The following PARN variants were observed in gnomAD, a reference collection of about 807,000 sequenced individuals.
The protein encoded by PARN is poly(A)-specific ribonuclease, also known as poly(A)-specific ribonuclease PARN.
Under a neutral mutation model 102.8 loss-of-function variants are expected in PARN, and 71 were observed. The ratio of observed to expected loss-of-function variants is 0.69; its 90% CI spans 0.57 to 0.84. The LOEUF (loss-of-function observed/expected upper bound fraction) is 0.84. Among genes scored for constraint, PARN ranks in the 40% least tolerant of loss-of-function variants. The pLI is 0.00. For missense variants in PARN, 782 were observed against 760.9 expected, an observed-to-expected ratio of 1.03 and a Z score of -0.33; for synonymous variants, 261 against 252.9, an observed-to-expected ratio of 1.03 and a Z score of -0.30.
intron 6 of PARN, among the ~76,000 whole-genome samples, chr16:14,616,299 G>C (rs1971901077): frequency 6.6e-6 from 1 of 152,176 alleles, no homozygotes; most frequent in Non-Finnish European, 1.5e-5. Context: ...GAGAAATCAT[G>C]CTATGCAAGG....
At chr16:14,538,484 G>C (rs1177859257) in intron 21 of PARN, among the ~76,000 whole-genome samples, 1 of 152,038 alleles carries the variant, frequency 6.6e-6, no homozygotes, top group Non-Finnish European at 1.5e-5. Context: ...GCCTCCCAAA[G>C]TGCTGGGATT....
intron 21 of PARN, among the ~76,000 whole-genome samples, chr16:14,507,835 T>C (rs1964974978): frequency 6.6e-6 from 1 of 152,158 alleles, no homozygotes; most frequent in African/African-American, 2.4e-5. Flanking sequence ...AGAATACTAT[T>C]GAGTAAATAA....
intron 18 of PARN, among the ~76,000 whole-genome samples, chr16:14,577,988 G>C (rs1969252860): frequency 1.3e-5 from 2 of 151,884 alleles, no homozygotes; most frequent in South Asian, 4.1e-4. Context: ...CTTTCTAAGG[G>C]GGTTAAGAAT....
chr16:14,461,429 T>A, intron 22 of PARN, among the ~76,000 whole-genome samples: 1 of 152,236 alleles, frequency 6.6e-6, no homozygotes, highest in Non-Finnish European at 1.5e-5. Flanking sequence ...CTTCTATGCC[T>A]GGGTGAACTG....
intron 20 of PARN, among the ~76,000 whole-genome samples, 186 bp downstream of exon 20, chr16:14,553,877 TAA>T (rs1224260141): frequency 1.3e-5 from 2 of 152,232 alleles, no homozygotes; most frequent in East Asian, 3.8e-4. Context: ...GAGGTGCTAT[TAA>T]AAGTTTCTCA....
intron 11 of PARN, among the ~76,000 whole-genome samples, chr16:14,600,937 A>AAAAC (rs201942729): frequency 7.9e-5 from 12 of 152,088 alleles, no homozygotes; most frequent in Non-Finnish European, 1.6e-4. Context: ...TCCATCTCAA[A>AAAAC]AAACAAACAA....
At chr16:14,455,764 G>A (rs1298270866) in intron 22 of PARN, among the ~76,000 whole-genome samples, 1 of 152,216 alleles carries the variant, frequency 6.6e-6, no homozygotes, top group Non-Finnish European at 1.5e-5. Context: ...TGACAAGCAA[G>A]AATGACGTGA....
intron 6 of PARN, among the ~76,000 whole-genome samples, chr16:14,611,052 G>A (rs1020698999): frequency 1.3e-5 from 2 of 152,178 alleles, no homozygotes; most frequent in African/African-American, 4.8e-5. Flanking sequence ...TAGGCACTGG[G>A]GAATGAACAG....
intron 13 of PARN, among the ~76,000 whole-genome samples, chr16:14,587,244 A>G: frequency 6.6e-6 from 1 of 152,194 alleles, no homozygotes; most frequent in East Asian, 1.9e-4. Flanking sequence ...GGCGATTTCA[A>G]TGCAACGTCA....
At chr16:14,464,115 T>C (rs531610612) in intron 22 of PARN, among the ~76,000 whole-genome samples, 1 of 152,252 alleles carries the variant, frequency 6.6e-6, no homozygotes, top group African/African-American at 2.4e-5. Flanking sequence ...AGTGCTAGGA[T>C]TACAGGCATG....
At chr16:14,439,404 AG>A (rs1285172393) in intron 23 of PARN, among the ~76,000 whole-genome samples, 6 of 79,162 alleles carry the variant, frequency 7.6e-5, no homozygotes, top group African/African-American at 2.9e-4. Context: ...AGAGGGAGGG[AG>A]GGAAGGAAAG....
intron 22 of PARN, among the ~76,000 whole-genome samples, chr16:14,470,437 G>GATGATGATGATGATT (rs369121377): frequency 3.9e-4 from 58 of 147,156 alleles, no homozygotes; most frequent in Non-Finnish European, 5.8e-4. Context: ...GAGTTTGGAT[G>GATGATGATGATGATT]ATTATTATTA....
chr16:14,531,002 T>C (rs1176298236), intron 21 of PARN, among the ~76,000 whole-genome samples: 3 of 151,946 alleles, frequency 2.0e-5, no homozygotes, highest in Non-Finnish European at 4.4e-5. Context: ...CATCCATCCA[T>C]CCATCCCCCA....
chr16:14,512,463 A>G (rs1175024450), intron 21 of PARN, among the ~76,000 whole-genome samples: 1 of 152,150 alleles, frequency 6.6e-6, no homozygotes, highest in Non-Finnish European at 1.5e-5. Context: ...ACTGCACTTC[A>G]GCCTGGGCAA....
At chr16:14,493,533 C>T (rs775523817) in intron 21 of PARN, among the ~76,000 whole-genome samples, 5 of 152,212 alleles carry the variant, frequency 3.3e-5, no homozygotes, top group Non-Finnish European at 5.9e-5. Context: ...TCAATAAACA[C>T]TGGCACTGGG....
At chr16:14,562,044 C>T (rs1016500857) in intron 18 of PARN, among the ~76,000 whole-genome samples, 6 of 151,446 alleles carry the variant, frequency 4.0e-5, no homozygotes, top group Non-Finnish European at 4.4e-5. Context: ...CCCAGCTACT[C>T]GGGAGGCTGA....
At chr16:14,469,941 G>A (rs1180174740) in intron 22 of PARN, among the ~76,000 whole-genome samples, 2 of 151,930 alleles carry the variant, frequency 1.3e-5, no homozygotes, top group Non-Finnish European at 2.9e-5. Flanking sequence ...GTATGCTGAG[G>A]GCAATTTGTT....
chr16:14,504,729 T>C (rs568680520), intron 21 of PARN, among the ~76,000 whole-genome samples: 1 of 152,334 alleles, frequency 6.6e-6, no homozygotes, highest in East Asian at 1.9e-4. Flanking sequence ...GGTTATACCA[T>C]TGACTCAATC....
intron 18 of PARN, among the ~76,000 whole-genome samples, chr16:14,571,936 C>T (rs1390809401): frequency 2.0e-5 from 3 of 152,182 alleles, no homozygotes; most frequent in Non-Finnish European, 2.9e-5. Flanking sequence ...ATCAATCAAA[C>T]GGCTTTTTAA....
Sources: allele counts gnomAD v4.1 joint callset (sites outside exome capture counted in the v4.1 genomes callset), GRCh38; gene constraint gnomAD v4.1.1; transcripts MANE v1.5; gene names NCBI Gene and HGNC (gene_info 2026-07-23, HGNC 2026-07-21).